Variants in BCL11A observed in about 807,000 individuals in gnomAD.
BCL11A encodes the protein BCL11 transcription factor A.
Under a neutral mutation model 55.9 loss-of-function variants are expected in BCL11A, and 2 were observed. The observed-to-expected ratio is 0.04, with a 90% CI of 0.01 to 0.11. The LOEUF (loss-of-function observed/expected upper bound fraction) is 0.11, where lower values mean the gene tolerates loss of function less well. Ranked by LOEUF, BCL11A falls within the 10% of genes least tolerant of loss-of-function variation. The pLI is 1.00. For synonymous variants in BCL11A, 465 were observed against 473.4 expected (o/e 0.98, Z 0.23); for missense variants, 817 against 1,137.1 (o/e 0.72, Z 4.05).
chr2:60,467,996 G>GTACTTTGTGGTGATGGTGATGGTGA (rs1363558577), intron 3 of BCL11A, among the ~76,000 whole-genome samples: 1 of 129,834 alleles, frequency 7.7e-6, no homozygotes, highest in Admixed American at 7.3e-5. Context: ...GGTGGTAATG[G>GTACTTTGTGGTGATGGTGATGGTGA]TGGTGGTGGT....
chr2:60,526,295 A>C (rs566951080), intron 2 of BCL11A: 1 of 152,242 alleles, frequency 6.6e-6, no homozygotes, highest in African/African-American at 2.4e-5. Context: ...AATAGTTTTC[A>C]TCTTTAAAAG....
At chr2:60,483,610 G>A (rs1678087362) in intron 2 of BCL11A, among the ~76,000 whole-genome samples, 1 of 152,222 alleles carries the variant, frequency 6.6e-6, no homozygotes, top group South Asian at 2.1e-4. Context: ...GCAGTTGTCA[G>A]AAATAACTCA....
At chr2:60,527,095 C>T (rs1425226197) in intron 2 of BCL11A, 1 of 152,194 alleles carries the variant, frequency 6.6e-6, no homozygotes, top group African/African-American at 2.4e-5. Context: ...CACATCCAGG[C>T]ACTTGGCCTG....
Position 60,553,341 on chromosome 2 carries a change from G to A in BCL11A, c.-71C>T. 1 of 1,471,092 alleles carries A rather than the reference G, an allele frequency of 6.8e-7. No individual in the cohort carries two copies. Among genetic ancestry groups the A allele is most frequent in the Non-Finnish European group, 9.1e-7 (1 of 1,093,784 alleles). 91.1% of individuals were successfully genotyped at this position (1,471,092 alleles called of 1,614,324 possible). A position where few individuals can be genotyped will look rare whatever the true frequency, so the allele number is the denominator to read the frequency against. On this transcript the variant is annotated 5_prime_UTR_variant, in exon 1 of 4. Coordinates refer to ENST00000642384, the MANE Select transcript of BCL11A (RefSeq NM_022893.4). ...GCGGACGACGGCTCGGTTCACATCG[G>A]GAGAGCCGGGTTAGAAAGAAGGAGA... is the stretch of plus-strand genomic sequence containing the variant.
intron 3 of BCL11A, 128 bp from the exon 4 acceptor site, chr2:60,462,552 G>A: frequency 7.0e-7 from 1 of 1,431,766 alleles, no homozygotes; most frequent in South Asian, 1.5e-5. Context: ...AGCCCTCACT[G>A]ACCTACCCCC....
intron 2 of BCL11A, among the ~76,000 whole-genome samples, chr2:60,479,673 C>A (rs891478684): frequency 2.6e-5 from 4 of 152,170 alleles, no homozygotes; most frequent in Non-Finnish European, 5.9e-5. Flanking sequence ...CAAGAACCGT[C>A]CTGTACTCCT....
chr2:60,514,095 T>G (rs762285806), intron 2 of BCL11A, among the ~76,000 whole-genome samples: 1 of 152,208 alleles, frequency 6.6e-6, no homozygotes, highest in Non-Finnish European at 1.5e-5. Flanking sequence ...CATCTCCTTG[T>G]GGACTTTCCT....
chr2:60,553,195 T>C (rs545581010), intron 1 of BCL11A, 21 bp downstream of exon 1: 15 of 1,591,572 alleles, frequency 9.4e-6, no homozygotes, highest in Middle Eastern at 2.2e-4. Context: ...TAATTATTAT[T>C]ACTATTATTG....
rs116298036 is a variant in BCL11A, at chr2:60,474,588, G to A, written c.386-5755C>T. Among the ~76,000 whole-genome samples, 927 of 152,260 alleles carry A rather than the reference G, an allele frequency of 6.1e-3. 7 individuals carry two copies. Among genetic ancestry groups the A allele is most frequent in the African/African-American group, 0.022 (898 of 41,532 alleles). ...CTTTAAGCTTTTGCCTTAGAATGGC[G>A]GAACTTATCTAGGAGACTGAGAGGG... On this transcript the variant is annotated intron_variant, in intron 2 of 3. Transcript: ENST00000642384.
rs866383559 is a variant in BCL11A at position 60,461,234 on chromosome 2, C to T, written c.1678G>A (p.Glu560Lys). ...TCGCCCAGGACCTGGTGGAAGGCCT[C>T]GCTGAAGTGCTGCATGGAGCTGAGC... ...MVLSSMQHFS[E>K]AFHQVLGEKH... is the part of the protein sequence containing the mutation. Residue 560 changes from glutamate (E) to lysine (K), a missense_variant, in exon 4 of 4, where the codon GAG becomes AAG. Transcript: ENST00000642384. 6 of 1,610,396 alleles carry T rather than the reference C, an allele frequency of 3.7e-6. No homozygotes were observed. Among genetic ancestry groups the T allele is most frequent in the Non-Finnish European group, 5.1e-6 (6 of 1,179,792 alleles).
downstream of BCL11A, among the ~76,000 whole-genome samples, chr2:60,453,961 T>G (rs1675827151): frequency 6.6e-6 from 1 of 152,074 alleles, no homozygotes; most frequent in Non-Finnish European, 1.5e-5. Flanking sequence ...CCGTGTGAAC[T>G]GGATTGGTCT....
At chr2:60,499,595 G>A (rs753893500) in intron 2 of BCL11A, 5 of 152,130 alleles carry the variant, frequency 3.3e-5, no homozygotes, top group East Asian at 1.9e-4. Flanking sequence ...TGTTTGCCAC[G>A]GGCCAGGGCT....
chr2:60,468,103 GATGGTGGCAGTGGTGGTT>G (rs1676984966), intron 3 of BCL11A, among the ~76,000 whole-genome samples: 3 of 124,626 alleles, frequency 2.4e-5, no homozygotes, highest in South Asian at 2.8e-4. Context: ...TGGTGGTGGT[GATGGTGGCAGTGGTGGTT>G]GTGGTGGTGG....
intron 2 of BCL11A, among the ~76,000 whole-genome samples, chr2:60,490,564 T>C (rs1012527846): frequency 6.6e-6 from 1 of 152,208 alleles, no homozygotes; most frequent in African/African-American, 2.4e-5. Context: ...CTAGTCACCT[T>C]AGCAAGAAGA....
chr2:60,464,873 G>A (rs1676510627), intron 3 of BCL11A, among the ~76,000 whole-genome samples: 2 of 152,116 alleles, frequency 1.3e-5, no homozygotes, highest in South Asian at 4.1e-4. Flanking sequence ...CATACATCAG[G>A]TCAGAGAAAA....
chr2:60,501,398 A>C (rs1204398191), intron 2 of BCL11A, among the ~76,000 whole-genome samples: 1 of 152,150 alleles, frequency 6.6e-6, no homozygotes, highest in Non-Finnish European at 1.5e-5. Context: ...CACTCTTGTA[A>C]TATGATTAAT....
At chr2:60,467,975 G>A (rs1676936811) in intron 3 of BCL11A, among the ~76,000 whole-genome samples, 3 of 112,916 alleles carry the variant, frequency 2.7e-5, no homozygotes, top group African/African-American at 3.4e-5. Context: ...GGTGGTGGTG[G>A]TAGTGATGGT....
At chr2:60,513,634 C>T (rs774348800) in intron 2 of BCL11A, among the ~76,000 whole-genome samples, 3 of 152,212 alleles carry the variant, frequency 2.0e-5, no homozygotes, top group Non-Finnish European at 4.4e-5. Context: ...TCCATCTCCC[C>T]ACTCACACGC....
intron 2 of BCL11A, among the ~76,000 whole-genome samples, chr2:60,474,742 C>T (rs1238606657): frequency 6.6e-6 from 1 of 152,152 alleles, no homozygotes; most frequent in Non-Finnish European, 1.5e-5. Flanking sequence ...ATTCATTCAA[C>T]CTCTCATGCA....
Sources: gnomAD v4.1 joint callset for allele counts (sites outside exome capture counted in the v4.1 genomes callset) on GRCh38, gnomAD v4.1.1 for gene constraint, MANE v1.5 for transcripts, NCBI Gene and HGNC (gene_info 2026-07-23, HGNC 2026-07-21) for gene names.